Variants in TECTA observed in about 807,000 individuals in gnomAD.
TECTA encodes tectorin alpha.
Under a neutral mutation model 216.8 loss-of-function variants are expected in TECTA, and 128 were observed. The ratio of observed to expected loss-of-function variants is 0.59; its 90% CI spans 0.51 to 0.68. TECTA has a LOEUF of 0.68. TECTA is among the 30% of genes least tolerant of loss of function. The pLI is 0.00. For missense variants in TECTA, 2,551 were observed against 2,786.2 expected (o/e 0.92, Z 1.90); for synonymous variants, 1,089 against 1,117.1 (o/e 0.97, Z 0.50).
intron 4 of TECTA, among the ~76,000 whole-genome samples, chr11:121,111,112 A>T (rs73599484): frequency 0.024 from 3,677 of 152,294 alleles, 156 homozygotes; most frequent in African/African-American, 0.082. Context: ...GGGAAGGAAA[A>T]GGGACATGTT....
chr11:121,159,239 A>C (rs984215488), intron 14 of TECTA, among the ~76,000 whole-genome samples: 1 of 152,192 alleles, frequency 6.6e-6, no homozygotes, highest in South Asian at 2.1e-4. Flanking sequence ...TTTTAACTTC[A>C]ATGAAAGGTG....
Position 121,105,806 on chromosome 11 carries a change from A to G in TECTA, c.65-25A>G, listed in dbSNP as rs777794611. On this transcript the variant is annotated intron_variant, in intron 2 of 23. Transcript: ENST00000392793. This position sits in a 1 kb window ranked among gnomAD's most constrained non-coding sequence, Gnocchi z 5.3. ...CAAACGGCAGAGGGAGCTGCCATCT[A>G]TCTAACCATCATCTCTCTTGACAGC... 6 of 1,614,016 alleles carry G rather than the reference A, an allele frequency of 3.7e-6. No homozygotes were observed. Among genetic ancestry groups the G allele is most frequent in the South Asian group, 2.2e-5 (2 of 91,060 alleles).
At chr11:121,162,445 C>A in intron 16 of TECTA, 75 bp downstream of exon 16, 1 of 1,497,936 alleles carries the variant, frequency 6.7e-7, no homozygotes, top group Non-Finnish European at 9.0e-7. Flanking sequence ...ATTGCTTTTT[C>A]TAGGGATGAC....
chr11:121,147,688 G>A (rs1946851998), intron 12 of TECTA, among the ~76,000 whole-genome samples: 1 of 152,182 alleles, frequency 6.6e-6, no homozygotes, highest in Non-Finnish European at 1.5e-5. Context: ...TAAACGTGGT[G>A]CAGAATGGGG....
rs371963929 is a variant in TECTA at position 121,128,105 on chromosome 11, G to A, written c.2128G>A (p.Glu710Lys). The change falls in exon 9 of 24, where the codon GAG becomes AAG. Residue 710 changes from glutamate (E) to lysine (K), a missense_variant. This residue lies in a region of TECTA where 2,375 missense variants were observed against 2,563.9 expected (regional missense o/e 0.93). Transcript: ENST00000392793. The part of the protein sequence containing the change: ...DGYQGCFPKR[E>K]TVCLLSQNQV... The stretch of plus-strand genomic sequence containing the variant: ...CTACCAGGGCTGCTTCCCCAAGCGG[G>A]AGACCGTGTGCCTGCTCAGCCAGAA... 84 of 1,612,820 alleles carry A rather than the reference G, an allele frequency of 5.2e-5. 1 individual carries two copies. The highest frequency in any genetic ancestry group is 1.6e-4 in the Middle Eastern group (1 of 6,084).
At chr11:121,155,152 G>A (rs1244190530) in intron 13 of TECTA, among the ~76,000 whole-genome samples, 1 of 152,150 alleles carries the variant, frequency 6.6e-6, no homozygotes, top group Non-Finnish European at 1.5e-5. Flanking sequence ...GAATACGCCT[G>A]GCTATTAGCA....
At chr11:121,145,532 C>A in intron 11 of TECTA, 23 bp from the exon 12 acceptor site, 3 of 1,613,324 alleles carry the variant, frequency 1.9e-6, no homozygotes, top group South Asian at 1.1e-5. Context: ...CTGTGTTTCT[C>A]CACCTCATCT....
intron 1 of TECTA, among the ~76,000 whole-genome samples, chr11:121,102,441 G>T (rs1946354604): frequency 1.3e-5 from 2 of 152,176 alleles, no homozygotes; most frequent in African/African-American, 4.8e-5. Context: ...TACACTTCCA[G>T]ACTGGCTTCT....
Position 121,118,557 on chromosome 11 carries a change from C to G in TECTA, c.1042C>G (p.Leu348Val), listed in dbSNP as rs1044826375. The G allele has an allele frequency of 1.9e-6, 3 of 1,614,094 alleles. No homozygotes were observed. The African/African-American group carries it at 4.0e-5, about 22-fold the overall frequency. The change falls in exon 7 of 24, where the codon CTG becomes GTG. Residue 348 changes from leucine to valine, a missense_variant. This residue lies in a region of TECTA where 2,375 missense variants were observed against 2,563.9 expected (regional missense o/e 0.93). Coordinates refer to ENST00000392793, the MANE Select transcript of TECTA (RefSeq NM_005422.4). ...CTTCCAAGGCTCCTGTGCCTACTTG[C>G]TGGCCCGACAGTGTTTGCAGACTTC... ...FHFQGSCAYL[L>V]ARQCLQTSSL...
At chr11:121,106,633 C>T (rs1352783257) in intron 3 of TECTA, among the ~76,000 whole-genome samples, 1 of 152,150 alleles carries the variant, frequency 6.6e-6, no homozygotes, top group African/African-American at 2.4e-5. Context: ...GCAGCCGAGC[C>T]TGGCTTTATT....
intron 1 of TECTA, among the ~76,000 whole-genome samples, chr11:121,101,996 G>A (rs1338797503): frequency 6.6e-6 from 1 of 152,116 alleles, no homozygotes; most frequent in Admixed American, 6.5e-5. Flanking sequence ...CTTGTGCGCT[G>A]GATTCTATTT....
chr11:121,152,516 G>A (rs972926388), intron 12 of TECTA, among the ~76,000 whole-genome samples: 1 of 152,210 alleles, frequency 6.6e-6, no homozygotes, highest in Non-Finnish European at 1.5e-5. Context: ...AGACCTAGAG[G>A]CAGGAGGAGT....
At chr11:121,129,056 A>C (rs770373588) in intron 9 of TECTA, among the ~76,000 whole-genome samples, 1 of 152,268 alleles carries the variant, frequency 6.6e-6, no homozygotes, top group Non-Finnish European at 1.5e-5. Context: ...CTAGTTTGGA[A>C]AACAAAAGCC....
At chr11:121,144,571 C>CT (rs146980848) in intron 11 of TECTA, among the ~76,000 whole-genome samples, 5,947 of 152,286 alleles carry the variant, frequency 0.039, 384 homozygotes, top group African/African-American at 0.13. Context: ...CTGGCTGTCT[C>CT]TATCTTCCAT....
chr11:121,102,735 T>C lies in TECTA; in HGVS notation c.64+6T>C. On this transcript the variant is annotated splice_donor_region_variant and intron_variant, in intron 2 of 23. Transcript: ENST00000392793. ...CGCACTTGTACAGCACCAAGGTGAG[T>C]ACTACAGAATTCCATAAAGCTCTCA... 6.2e-7 allele frequency: 1 copy of C among 1,612,268 alleles called. No individual in the cohort carries two copies. The highest frequency in any genetic ancestry group is 8.5e-7 in the Non-Finnish European group (1 of 1,178,390).
chr11:121,136,058 G>T (rs756844258), intron 10 of TECTA, among the ~76,000 whole-genome samples: 1 of 151,762 alleles, frequency 6.6e-6, no homozygotes, highest in Non-Finnish European at 1.5e-5. Context: ...TCCCAGGTTC[G>T]AGCGATTCTA....
rs944894801 is a variant in TECTA at position 121,157,959 on chromosome 11, G to A, written c.4424G>A (p.Gly1475Glu). ...GACGAGGAGTGTGCGCTGCGCAACGGGGTGCGCGGCTGCTTCAGCACCAAG... is the reference window on the plus strand; with the variant it reads ...GACGAGGAGTGTGCGCTGCGCAACGAGGTGCGCGGCTGCTTCAGCACCAAG... The part of the protein sequence containing the change: ...KSDEECALRN[G>E]VRGCFSTKTS... The change falls in exon 14 of 24, where the codon GGG becomes GAG. Residue 1475 changes from glycine (G) to glutamate (E), a missense_variant. Physicochemically the swap from Gly to Glu is moderately conservative, Grantham distance 98. This residue lies in a region of TECTA where 2,375 missense variants were observed against 2,563.9 expected (regional missense o/e 0.93). Transcript: ENST00000392793. 9.9e-6 allele frequency: 16 copies of A among 1,613,608 alleles called. No individual in the cohort carries two copies. The highest frequency in any genetic ancestry group is 4.0e-5 in the African/African-American group (3 of 74,940).
chr11:121,121,827 G>A (rs1011217223), intron 7 of TECTA, among the ~76,000 whole-genome samples: 2 of 152,138 alleles, frequency 1.3e-5, no homozygotes, highest in South Asian at 2.1e-4. Flanking sequence ...AGCAGTTGAC[G>A]TATTTGACAT....
At position 121,189,851 on chromosome 11, in the gene TECTA, C is replaced by A; in HGVS notation, c.6338C>A (p.Thr2113Asn). 2 of 1,613,488 alleles carry A rather than the reference C, an allele frequency of 1.2e-6. No individual in the cohort carries two copies. Among genetic ancestry groups the A allele is most frequent in the Non-Finnish European group, 1.7e-6 (2 of 1,179,934 alleles). ...DGPLCSCVTG[T>N]LQEDGKSCRA... ...CCTCTCTGCAGCTGTGTAACAGGAA[C>A]CCTGCAGGAGGACGGCAAGAGCTGC... Residue 2113 changes from threonine (T) to asparagine (N), a missense_variant, in exon 23 of 24, where the codon ACC becomes AAC. Coordinates refer to ENST00000392793, the MANE Select transcript of TECTA (RefSeq NM_005422.4).
Sources: gnomAD v4.1 joint callset for allele counts (sites outside exome capture counted in the v4.1 genomes callset) on GRCh38, gnomAD v4.1.1 for gene constraint, gnomAD v4.1.1 regional missense constraint, Gnocchi (gnomAD v3.1) non-coding constraint, MANE v1.5 for transcripts, NCBI Gene and HGNC (gene_info 2026-07-23, HGNC 2026-07-21) for gene names.